Variants in ADCY9 observed in about 807,000 individuals in gnomAD.
ADCY9 encodes adenylate cyclase 9, also known as adenylate cyclase type 9.
Under a neutral mutation model 101.5 loss-of-function variants are expected in ADCY9, and 50 were observed. The observed-to-expected ratio is 0.49, with a 90% CI of 0.39 to 0.62. The LOEUF is 0.62. Among genes scored for constraint, ADCY9 ranks in the 20% least tolerant of loss-of-function variants. ADCY9 has a pLI of 0.00. For synonymous variants in ADCY9, 905 were observed against 769.3 expected (o/e 1.18, Z -2.92); for missense variants, 1,662 against 1,800.4 (o/e 0.92, Z 1.39).
intron 2 of ADCY9, among the ~76,000 whole-genome samples, chr16:4,024,054 G>A (rs190439336): frequency 6.7e-6 from 1 of 150,350 alleles, no homozygotes; most frequent in African/African-American, 2.4e-5. Context: ...ACTGAGTCTT[G>A]CTCTGTTGCC....
At chr16:4,072,045 G>T (rs923649517) in intron 2 of ADCY9, among the ~76,000 whole-genome samples, 2 of 152,096 alleles carry the variant, frequency 1.3e-5, no homozygotes, top group African/African-American at 4.8e-5. Context: ...TGCCTATTCT[G>T]ACAGAACCAA....
At position 3,992,404 on chromosome 16, in the gene ADCY9, T is replaced by TGGCACCG; in HGVS notation, c.1990-48_1990-42dup. The TGGCACCG allele has an allele frequency of 6.3e-7, 1 of 1,585,016 alleles. No individual in the cohort carries two copies. The highest frequency in any genetic ancestry group is 8.6e-7 in the Non-Finnish European group (1 of 1,157,818). On this transcript the variant is annotated intron_variant, in intron 4 of 10. Transcript: ENST00000294016. This position sits in a 1 kb window ranked among gnomAD's most constrained non-coding sequence, Gnocchi z 4.2. ...GAGGACGCAGACACGGGAAGTGAAG[T>TGGCACCG]GGCACCGGGCACTGGGCACACACGC...
chr16:4,011,876 C>G lies in ADCY9; in HGVS notation c.1694-4318G>C, dbSNP rs1022335622. Among the ~76,000 whole-genome samples, 15 of 152,306 alleles carry G rather than the reference C, an allele frequency of 9.8e-5. 1 individual carries two copies. The highest frequency in any genetic ancestry group is 3.9e-4 in the Admixed American group (6 of 15,300). On this transcript the variant is annotated intron_variant, in intron 2 of 10. Coordinates refer to ENST00000294016, the MANE Select transcript of ADCY9 (RefSeq NM_001116.4). ...CATCGCTGCCTCTCAGTTTCCTCAT[C>G]TCTAAGGCGAGGGCAGGAGGAGGGC... is the stretch of plus-strand genomic sequence containing the variant.
chr16:4,098,440 G>A (rs977728933), intron 2 of ADCY9, among the ~76,000 whole-genome samples: 9 of 151,946 alleles, frequency 5.9e-5, no homozygotes, highest in Non-Finnish European at 5.9e-5. Flanking sequence ...CACCATGTTG[G>A]CCAGGTTGGT....
At chr16:3,974,749 A>C (rs2141680053) in intron 9 of ADCY9, 39 bp from the exon 10 acceptor site, 1 of 1,558,628 alleles carries the variant, frequency 6.4e-7, no homozygotes, top group Non-Finnish European at 8.8e-7. Flanking sequence ...CATAAAGAGC[A>C]AAGAAGGCAT....
Position 4,063,442 on chromosome 16 carries a change from C to T in ADCY9, c.1693+50308G>A, listed in dbSNP as rs988558816. Among the ~76,000 whole-genome samples the T allele has an allele frequency of 2.0e-5, 3 of 152,062 alleles. No individual in the cohort carries two copies. The South Asian group carries it at 6.2e-4, about 31-fold the overall frequency. On this transcript the variant is annotated intron_variant, in intron 2 of 10. Transcript: ENST00000294016. ...ACTGAGCATCAGCAGGGAACAGTGG[C>T]TCACACCTGTAATCTCAACACTTTG...
In ADCY9 at chr16:4,114,610, T is replaced by G. The variant is rs765602708; in HGVS notation, c.833A>C (p.His278Pro). The G allele has an allele frequency of 6.2e-7, 1 of 1,613,626 alleles. No homozygotes were observed. The highest frequency in any genetic ancestry group is 1.3e-5 in the African/African-American group (1 of 74,904). ...CFPSPGAGAL[H>P]WELLSRGLLH... ...CAGCCCCCTGCTCAGCAGCTCCCAGTGCAGGGCCCCGGCTCCGGGCGAGGG... is the reference window on the plus strand; with the variant it reads ...CAGCCCCCTGCTCAGCAGCTCCCAGGGCAGGGCCCCGGCTCCGGGCGAGGG... The change falls in exon 2 of 11, where the codon CAC becomes CCC. Residue 278 changes from histidine to proline, a missense_variant. Transcript: ENST00000294016. The surrounding 1 kb of genome is among the most constrained non-coding windows in gnomAD (Gnocchi z 4.3).
In ADCY9 at chr16:4,035,829, G is replaced by A. The variant is rs74553271; in HGVS notation, c.1694-28271C>T. ...AGCCTGACCAACATGGAAAAACCCC[G>A]TCTCTACTAAAAATACAAAATTAGA... On this transcript the variant is annotated intron_variant, in intron 2 of 10. Transcript: ENST00000294016. Among the ~76,000 whole-genome samples, 44 of 151,664 alleles carry A rather than the reference G, an allele frequency of 2.9e-4. No individual in the cohort carries two copies. In the East Asian group the frequency reaches 5.0e-3, roughly 17 times the overall value.
intron 2 of ADCY9, among the ~76,000 whole-genome samples, chr16:4,101,612 T>A (rs925312143): frequency 2.0e-5 from 3 of 152,172 alleles, no homozygotes; most frequent in Admixed American, 6.5e-5. Flanking sequence ...TACTTCCCTT[T>A]CTAGGCGTCA....
intron 2 of ADCY9, among the ~76,000 whole-genome samples, chr16:4,040,843 C>T (rs1384699506): frequency 1.3e-5 from 2 of 152,164 alleles, no homozygotes; most frequent in Non-Finnish European, 2.9e-5. Context: ...ATTGACTGAA[C>T]TGTCTTTAAT....
intron 2 of ADCY9, among the ~76,000 whole-genome samples, chr16:4,072,994 G>A (rs867798798): frequency 0.012 from 1,566 of 129,066 alleles, no homozygotes; most frequent in Middle Eastern, 0.02. Flanking sequence ...TATCCTAAAA[G>A]AAAAAAAAAA....
chr16:4,044,479 A>G (rs1440227076), intron 2 of ADCY9, among the ~76,000 whole-genome samples: 1 of 152,174 alleles, frequency 6.6e-6, no homozygotes, highest in Non-Finnish European at 1.5e-5. Flanking sequence ...AAAGGAAATC[A>G]AAAAAAGGCT....
At position 4,113,784 on chromosome 16, in the gene ADCY9, C is replaced by T; in HGVS notation, c.1659G>A (p.Arg553=). ...GGTCAGCAACCACGCTCTGGCCCAG[C>T]CGTTCAATAACTTTCCCATCTTCCA... The part of the protein sequence containing the change: ...YEMEDGKVIE[R]LGQSVVADQL... Residue 553 remains arginine, a synonymous_variant, in exon 2 of 11, where the codon CGG becomes CGA. Transcript: ENST00000294016. The T allele has an allele frequency of 1.2e-6, 2 of 1,613,862 alleles. No homozygotes were observed. The highest frequency in any genetic ancestry group is 1.1e-5 in the South Asian group (1 of 91,072).
chr16:3,962,104 A>G (rs74003476), downstream of ADCY9, among the ~76,000 whole-genome samples: 1,545 of 152,286 alleles, frequency 0.01, 31 homozygotes, highest in African/African-American at 0.035. Context: ...TGGAAGATCC[A>G]TAGTTTGGCC....
intron 10 of ADCY9, among the ~76,000 whole-genome samples, chr16:3,973,777 G>A (rs1000962328): frequency 1.3e-5 from 2 of 152,118 alleles, no homozygotes; most frequent in Non-Finnish European, 2.9e-5. Flanking sequence ...ACAGGCGGGA[G>A]TCACCGAGCC....
chr16:4,050,580 GGC>G (rs2056694496), intron 2 of ADCY9, among the ~76,000 whole-genome samples: 1 of 151,852 alleles, frequency 6.6e-6, no homozygotes, highest in Admixed American at 6.6e-5. Context: ...CGGACGTGGT[GGC>G]GCATGCCTGT....
intron 9 of ADCY9, among the ~76,000 whole-genome samples, chr16:3,976,819 G>A (rs1172433873): frequency 1.3e-5 from 2 of 152,118 alleles, no homozygotes; most frequent in Admixed American, 1.3e-4. Context: ...CCCCATGCCT[G>A]ACTAATTTTT....
downstream of ADCY9, among the ~76,000 whole-genome samples, chr16:3,961,428 A>G (rs1413188959): frequency 1.3e-5 from 2 of 151,460 alleles, no homozygotes; most frequent in African/African-American, 4.9e-5. Context: ...AGCCTGGGTG[A>G]CAAAATGAGA....
intron 2 of ADCY9, 46 bp downstream of exon 2, chr16:4,113,704 A>C: frequency 6.4e-7 from 1 of 1,561,816 alleles, no homozygotes; most frequent in South Asian, 1.2e-5. Context: ...ATTTAATACA[A>C]TCAGGATCAG....
Sources: allele counts gnomAD v4.1 joint callset (sites outside exome capture counted in the v4.1 genomes callset), GRCh38; gene constraint gnomAD v4.1.1; non-coding constraint Gnocchi (gnomAD v3.1); transcripts MANE v1.5; gene names NCBI Gene and HGNC (gene_info 2026-07-23, HGNC 2026-07-21).